The following DIAPH3 variants were observed in gnomAD, a reference collection of about 807,000 sequenced individuals.
DIAPH3 encodes diaphanous related formin 3, also known as protein diaphanous homolog 3.
In DIAPH3, 117 loss-of-function variants were observed where a neutral mutation model predicts 144.3. That is an observed-to-expected ratio of 0.81 (90% CI 0.70 to 0.95). The LOEUF (loss-of-function observed/expected upper bound fraction) is 0.95. Ranked by LOEUF, DIAPH3 falls within the 40% of genes least tolerant of loss-of-function variation. The pLI, the probability that DIAPH3 is intolerant of heterozygous loss-of-function variation, is 0.00. For synonymous variants in DIAPH3, 519 were observed against 488.9 expected (o/e 1.06, Z -0.81); for missense variants, 1,421 against 1,412.7 (o/e 1.01, Z -0.09).
At chr13:59,679,760 T>G (rs561302045) in intron 27 of DIAPH3, among the ~76,000 whole-genome samples, 1 of 152,192 alleles carries the variant, frequency 6.6e-6, no homozygotes, top group East Asian at 1.9e-4. Flanking sequence ...AGACCCATAT[T>G]GGCCATAAAT....
At chr13:59,793,555 T>G (rs1413168384) in intron 25 of DIAPH3, among the ~76,000 whole-genome samples, 1 of 152,182 alleles carries the variant, frequency 6.6e-6, no homozygotes, top group Non-Finnish European at 1.5e-5. Context: ...AAATGGTCTC[T>G]TCCTTGGGCT....
At chr13:60,119,607 C>T (rs1444598302) in intron 2 of DIAPH3, among the ~76,000 whole-genome samples, 3 of 150,636 alleles carry the variant, frequency 2.0e-5, no homozygotes, top group South Asian at 2.1e-4. Context: ...ATTAGCCGGG[C>T]GTAGTGGCGG....
At chr13:59,814,877 C>A (rs1239656490) in intron 24 of DIAPH3, among the ~76,000 whole-genome samples, 1 of 152,186 alleles carries the variant, frequency 6.6e-6, no homozygotes, top group African/African-American at 2.4e-5. Flanking sequence ...CCATTCTATT[C>A]TCCATTTCTA....
At chr13:59,843,533 G>C (rs1341315786) in intron 22 of DIAPH3, among the ~76,000 whole-genome samples, 5 of 152,288 alleles carry the variant, frequency 3.3e-5, no homozygotes, top group East Asian at 3.9e-4. Flanking sequence ...TTCCACATTA[G>C]TGAAATGAGA....
chr13:60,020,774 T>C (rs944978478), intron 5 of DIAPH3: 2 of 152,232 alleles, frequency 1.3e-5, no homozygotes, highest in African/African-American at 4.8e-5. Flanking sequence ...CACAGACCAG[T>C]GGTTGAAACA....
chr13:60,036,093 T>G (rs942092915), intron 5 of DIAPH3, among the ~76,000 whole-genome samples: 3 of 152,202 alleles, frequency 2.0e-5, no homozygotes, highest in Admixed American at 6.5e-5. Context: ...CACTCTCTGC[T>G]GAAGGGAAAC....
At chr13:60,135,249 CTTT>C (rs764946495) in intron 1 of DIAPH3, among the ~76,000 whole-genome samples, 3 of 137,688 alleles carry the variant, frequency 2.2e-5, no homozygotes, top group Non-Finnish European at 4.8e-5. Flanking sequence ...TCATGGTTTT[CTTT>C]TTTTTTTTTT....
rs547079686 is a variant in DIAPH3 at position 59,976,645 on chromosome 13, A to T, written c.1546-2189T>A. On this transcript the variant is annotated intron_variant, in intron 14 of 27. Coordinates refer to ENST00000400324, the MANE Select transcript of DIAPH3 (RefSeq NM_001042517.2). ...TTGAGTGCTCCTACCAATTCCTGTTATGGGTTTCTACAAAATCCAACCCAC... is the reference window on the plus strand; with the variant it reads ...TTGAGTGCTCCTACCAATTCCTGTTTTGGGTTTCTACAAAATCCAACCCAC... Among the ~76,000 whole-genome samples the T allele has an allele frequency of 1.0e-3, 154 of 151,846 alleles. 1 individual carries two copies. Among genetic ancestry groups the T allele is most frequent in the Admixed American group, 9.2e-4 (14 of 15,186 alleles).
intron 27 of DIAPH3, among the ~76,000 whole-genome samples, chr13:59,672,006 A>G (rs926577824): frequency 6.6e-6 from 1 of 152,238 alleles, no homozygotes; most frequent in African/African-American, 2.4e-5. Context: ...CTGTTTCTTG[A>G]GAAACACAAA....
intron 23 of DIAPH3, chr13:59,839,116 A>AAATG: frequency 2.1e-6 from 1 of 476,092 alleles, no homozygotes; most frequent in Non-Finnish European, 3.6e-6. Context: ...ATAAATAAAT[A>AAATG]AACAAACAGA....
intron 4 of DIAPH3, among the ~76,000 whole-genome samples, chr13:60,072,985 T>C (rs1354547741): frequency 1.3e-5 from 2 of 152,162 alleles, no homozygotes; most frequent in East Asian, 3.8e-4. Flanking sequence ...TCTACAATGA[T>C]AATATATTAC....
intron 4 of DIAPH3, among the ~76,000 whole-genome samples, chr13:60,048,925 T>C (rs2056207083): frequency 6.6e-6 from 1 of 152,032 alleles, no homozygotes; most frequent in Non-Finnish European, 1.5e-5. Flanking sequence ...TTGCCCATAT[T>C]ACTCAGCAAT....
At chr13:59,913,379 C>T (rs1158563509) in intron 19 of DIAPH3, among the ~76,000 whole-genome samples, 1 of 152,138 alleles carries the variant, frequency 6.6e-6, no homozygotes, top group South Asian at 2.1e-4. Flanking sequence ...CAGACAGGCA[C>T]GCATGCCCAG....
At chr13:59,878,883 A>G (rs1302407424) in intron 21 of DIAPH3, among the ~76,000 whole-genome samples, 1 of 152,162 alleles carries the variant, frequency 6.6e-6, no homozygotes, top group African/African-American at 2.4e-5. Flanking sequence ...ATCCTAAGCA[A>G]TATTCAATAT....
chr13:59,733,377 C>T (rs1686691559), intron 27 of DIAPH3, among the ~76,000 whole-genome samples: 1 of 152,030 alleles, frequency 6.6e-6, no homozygotes, highest in South Asian at 2.1e-4. Flanking sequence ...CTAAAACACC[C>T]ATAATCTGAG....
At chr13:59,743,655 T>C (rs763988837) in intron 27 of DIAPH3, among the ~76,000 whole-genome samples, 3 of 152,200 alleles carry the variant, frequency 2.0e-5, no homozygotes, top group Non-Finnish European at 2.9e-5. Context: ...ACAGATCTAC[T>C]GAAGGGTCTC....
intron 21 of DIAPH3, among the ~76,000 whole-genome samples, chr13:59,873,662 T>C (rs996009185): frequency 1.3e-5 from 2 of 148,318 alleles, no homozygotes; most frequent in African/African-American, 2.5e-5. Context: ...TTTGAAAATA[T>C]TTTCACCACT....
intron 14 of DIAPH3, among the ~76,000 whole-genome samples, chr13:59,975,863 A>T (rs945345007): frequency 6.6e-6 from 1 of 152,100 alleles, no homozygotes; most frequent in South Asian, 2.1e-4. Flanking sequence ...CATTCCCCAC[A>T]ACTACTACGG....
chr13:59,871,411 T>A (rs2044270653), intron 21 of DIAPH3, among the ~76,000 whole-genome samples: 1 of 152,168 alleles, frequency 6.6e-6, no homozygotes. Context: ...TACCATTAAG[T>A]ATGATGCTAG....
Sources: allele counts gnomAD v4.1 joint callset (sites outside exome capture counted in the v4.1 genomes callset), GRCh38; gene constraint gnomAD v4.1.1; transcripts MANE v1.5; gene names NCBI Gene and HGNC (gene_info 2026-07-23, HGNC 2026-07-21).